Variants in HSD17B4 observed in about 807,000 individuals in gnomAD.
HSD17B4 encodes the protein hydroxysteroid 17-beta dehydrogenase 4.
HSD17B4 carries 70 observed loss-of-function variants against 101.0 expected under a neutral mutation model. The ratio of observed to expected loss-of-function variants is 0.69; its 90% CI spans 0.57 to 0.85. The LOEUF is 0.85. Among genes scored for constraint, HSD17B4 ranks in the 40% least tolerant of loss-of-function variants. The pLI, the probability that HSD17B4 is intolerant of heterozygous loss-of-function variation, is 0.00. For missense variants in HSD17B4, 984 were observed against 892.4 expected, an observed-to-expected ratio of 1.10 and a Z score of -1.31; for synonymous variants, 347 against 297.1, an observed-to-expected ratio of 1.17 and a Z score of -1.73.
chr5:119,538,346 C>T (rs986237047), intron 23 of HSD17B4, among the ~76,000 whole-genome samples: 6 of 152,146 alleles, frequency 3.9e-5, no homozygotes, highest in Non-Finnish European at 8.8e-5. Flanking sequence ...CACTGTGATC[C>T]TAGCCTCTGT....
chr5:119,483,652 T>C (rs1212031933), intron 8 of HSD17B4, among the ~76,000 whole-genome samples: 2 of 152,182 alleles, frequency 1.3e-5, no homozygotes, highest in African/African-American at 2.4e-5. Context: ...CTTTCCAATA[T>C]ACATAAGAGT....
chr5:119,496,420 C>T, intron 11 of HSD17B4, 123 bp from the exon 12 acceptor site: 1 of 687,514 alleles, frequency 1.5e-6, no homozygotes, highest in African/African-American at 1.8e-5. Context: ...TCATGAGTGG[C>T]AATGGAGGCT....
At chr5:119,496,493 C>T in intron 11 of HSD17B4, 50 bp from the exon 12 acceptor site, 1 of 974,632 alleles carries the variant, frequency 1.0e-6, no homozygotes, top group Non-Finnish European at 1.7e-6. Flanking sequence ...TTTTCTTAGT[C>T]ACATCTTTAA....
intron 17 of HSD17B4, among the ~76,000 whole-genome samples, chr5:119,518,317 G>T (rs529959292): frequency 1.3e-5 from 2 of 151,950 alleles, no homozygotes; most frequent in Admixed American, 1.3e-4. Context: ...GCGAGACCAC[G>T]AACCCACCAG....
intron 23 of HSD17B4, among the ~76,000 whole-genome samples, chr5:119,540,551 C>T (rs1254812005): frequency 6.6e-6 from 1 of 152,174 alleles, no homozygotes; most frequent in African/African-American, 2.4e-5. Context: ...TAAGTACTGA[C>T]TCCTTCCCTG....
intron 1 of HSD17B4, chr5:119,452,862 C>G: frequency 6.5e-7 from 1 of 1,535,316 alleles, no homozygotes; most frequent in Non-Finnish European, 8.7e-7. Flanking sequence ...GTGGGCTTCC[C>G]AAGGTCCTGC....
At position 119,489,180 on chromosome 5, in the gene HSD17B4, T is replaced by G. The variant is rs775961157; in HGVS notation, c.623-12T>G. The G allele has an allele frequency of 1.4e-5, 21 of 1,549,632 alleles. No homozygotes were observed. Among genetic ancestry groups the G allele is most frequent in the Non-Finnish European group, 1.9e-5 (21 of 1,121,630 alleles). On this transcript the variant is annotated splice_polypyrimidine_tract_variant and intron_variant, in intron 8 of 23. Transcript: ENST00000510025. ...AATGATTGATAAGATATGTGTATATTCTTTATTTCAGATCTTGTGGAAGCC... is the reference window on the plus strand; with the variant it reads ...AATGATTGATAAGATATGTGTATATGCTTTATTTCAGATCTTGTGGAAGCC...
intron 11 of HSD17B4, among the ~76,000 whole-genome samples, chr5:119,494,325 T>TTTTCTTTCTTTTCTTTCTTTCTTTC (rs1554064682): frequency 9.0e-6 from 1 of 111,524 alleles, no homozygotes; most frequent in African/African-American, 3.4e-5. Context: ...TCTTTCTTTC[T>TTTTCTTTCTTTTCTTTCTTTCTTTC]TTTCTTTCTT....
rs751064948 is a variant in HSD17B4 at position 119,541,983 on chromosome 5, G to T, written c.2200G>T (p.Ala734Ser). Residue 734 changes from alanine to serine, a missense_variant, in exon 24 of 24, where the codon GCC (alanine) becomes TCC (serine). Physicochemically the swap from Ala to Ser is moderately conservative, Grantham distance 99. Transcript: ENST00000510025. Reference sequence around the variant, plus strand: ...ACTTCAGATGATTCTTAAAGACTACGCCAAGCTCTGAAGGGCACACTACAC... The same window carrying T: ...ACTTCAGATGATTCTTAAAGACTACTCCAAGCTCTGAAGGGCACACTACAC... ...QKLQMILKDY[A>S]KL The T allele has an allele frequency of 6.2e-7, 1 of 1,608,624 alleles. No homozygotes were observed.
At chr5:119,465,300 A>T (rs76102859) in intron 2 of HSD17B4, among the ~76,000 whole-genome samples, 19,620 of 152,086 alleles carry the variant, frequency 0.13, 1,350 homozygotes, top group South Asian at 0.15. Context: ...TATGGTATGG[A>T]TGTTTTTCTC....
chr5:119,454,444 T>C (rs1388123256), intron 1 of HSD17B4, among the ~76,000 whole-genome samples: 2 of 152,016 alleles, frequency 1.3e-5, no homozygotes, highest in Non-Finnish European at 2.9e-5. Flanking sequence ...TAGCTAGGAC[T>C]GTAGGCATGT....
rs781491742 is a variant in HSD17B4, at chr5:119,529,911, C to T, written c.1785C>T (p.Asp595=). Residue 595 remains aspartate (D), a synonymous_variant, in exon 21 of 24, where the codon GAC becomes GAT. Transcript: ENST00000510025. ...HFQTKVQETG[D]IVISNAYVDL... Reference sequence around the variant, plus strand: ...CTCCTAAGGTCCAAGAAACTGGAGACATTGTCATTTCAAATGCATATGTGG... The same window carrying T: ...CTCCTAAGGTCCAAGAAACTGGAGATATTGTCATTTCAAATGCATATGTGG... 1.2e-6 allele frequency: 2 copies of T among 1,603,098 alleles called. No homozygotes were observed. Among genetic ancestry groups the T allele is most frequent in the East Asian group, 4.5e-5 (2 of 44,766 alleles).
intron 17 of HSD17B4, among the ~76,000 whole-genome samples, chr5:119,521,953 A>G (rs1313989371): frequency 3.3e-5 from 5 of 150,264 alleles, no homozygotes. Flanking sequence ...TATTTTTATT[A>G]TACTTTAAGT....
At chr5:119,492,012 G>C (rs1164226617) in intron 9 of HSD17B4, 88 bp from the exon 10 acceptor site, 1 of 973,960 alleles carries the variant, frequency 1.0e-6, no homozygotes, top group African/African-American at 1.6e-5. Flanking sequence ...AATACTGCTA[G>C]TAGAGGAGCT....
chr5:119,458,290 C>G (rs1162659790), intron 2 of HSD17B4, among the ~76,000 whole-genome samples: 1 of 151,946 alleles, frequency 6.6e-6, no homozygotes, highest in Non-Finnish European at 1.5e-5. Context: ...TACCTGTTAG[C>G]CTTTTTACAT....
At chr5:119,455,890 T>A (rs1754586462) in intron 1 of HSD17B4, among the ~76,000 whole-genome samples, 1 of 152,114 alleles carries the variant, frequency 6.6e-6, no homozygotes, top group South Asian at 2.1e-4. Flanking sequence ...ATCCAGGGAT[T>A]AGGGAGCTGA....
intron 2 of HSD17B4, among the ~76,000 whole-genome samples, chr5:119,466,478 A>G (rs1485636113): frequency 1.3e-5 from 2 of 152,110 alleles, no homozygotes; most frequent in Non-Finnish European, 2.9e-5. Flanking sequence ...ACCCGCTTCA[A>G]TCTTGTTCTT....
At chr5:119,519,174 A>G (rs1036285542) in intron 17 of HSD17B4, among the ~76,000 whole-genome samples, 2 of 152,198 alleles carry the variant, frequency 1.3e-5, no homozygotes, top group Non-Finnish European at 2.9e-5. Context: ...GTATGACAAT[A>G]CAAGTGTACT....
chr5:119,500,994 T>C (rs1053244908), intron 13 of HSD17B4, among the ~76,000 whole-genome samples: 2 of 152,144 alleles, frequency 1.3e-5, no homozygotes, highest in Non-Finnish European at 2.9e-5. Context: ...AGTTAGCCCA[T>C]TGCTGCTCTG....
Sources: allele counts gnomAD v4.1 joint callset (sites outside exome capture counted in the v4.1 genomes callset), GRCh38; gene constraint gnomAD v4.1.1; transcripts MANE v1.5; gene names NCBI Gene and HGNC (gene_info 2026-07-23, HGNC 2026-07-21).